The following SPACA1 variants were observed in gnomAD, a reference collection of about 807,000 sequenced individuals.
SPACA1 encodes sperm acrosome membrane-associated protein 1.
In SPACA1, 17 loss-of-function variants were observed where a neutral mutation model predicts 32.6. That is an observed-to-expected ratio of 0.52 (90% CI 0.36 to 0.78). The LOEUF (loss-of-function observed/expected upper bound fraction) is 0.78, where lower values mean the gene tolerates loss of function less well. Among genes scored for constraint, SPACA1 ranks in the 30% least tolerant of loss-of-function variants. The probability of loss-of-function intolerance (pLI) is 0.01; values close to 1 mark genes in which losing one functional copy is unlikely to be tolerated. For missense variants in SPACA1, 363 were observed against 373.4 expected (o/e 0.97, Z 0.23); for synonymous variants, 140 against 138.1 (o/e 1.01, Z -0.10).
chr6:88,049,876 A>G (rs1456135670), intron 1 of SPACA1, among the ~76,000 whole-genome samples: 1 of 152,192 alleles, frequency 6.6e-6, no homozygotes, highest in Non-Finnish European at 1.5e-5. Flanking sequence ...ATCGTTAATA[A>G]ATTCTAGCTT....
intron 3 of SPACA1, 65 bp from the exon 4 acceptor site, chr6:88,058,651 A>AT: frequency 8.6e-7 from 1 of 1,166,116 alleles, no homozygotes; most frequent in Non-Finnish European, 1.3e-6. Context: ...GAAAAAAAAA[A>AT]GTAATTTCGT....
At chr6:88,065,988 G>A (rs973256166) in intron 6 of SPACA1, among the ~76,000 whole-genome samples, 194 bp from the exon 7 acceptor site, 2 of 151,286 alleles carry the variant, frequency 1.3e-5, no homozygotes, top group African/African-American at 2.4e-5. Flanking sequence ...ATATATACAG[G>A]TACAAATATG....
chr6:88,056,353 CA>C (rs888708488), intron 2 of SPACA1, among the ~76,000 whole-genome samples: 6 of 151,508 alleles, frequency 4.0e-5, no homozygotes, highest in Non-Finnish European at 5.9e-5. Context: ...GACTCCGTCT[CA>C]AAAAAAAACT....
Position 88,058,792 on chromosome 6 carries a change from A to C in SPACA1, c.444A>C (p.Lys148Asn). Residue 148 changes from lysine (K) to asparagine (N), a missense_variant, in exon 4 of 7, where the codon AAA (lysine) becomes AAC (asparagine). Physicochemically the swap from Lys to Asn is moderately conservative, Grantham distance 94. Transcript: ENST00000237201. ...ACACATCTCCCTTAAATCGTTTCAA[A>C]TATATGTGGAAACTTCTAAGACAAG... ...CIHTSPLNRFKYMWKLLRQDQ... is the reference protein window; with the variant it reads ...CIHTSPLNRFNYMWKLLRQDQ... 1.2e-6 allele frequency: 2 copies of C among 1,613,142 alleles called. No homozygotes were observed. Among genetic ancestry groups the C allele is most frequent in the Non-Finnish European group, 1.7e-6 (2 of 1,179,254 alleles).
intron 4 of SPACA1, 23 bp from the exon 5 acceptor site, chr6:88,059,430 G>GTTATTTTTTTCTTTTTA: frequency 6.4e-7 from 1 of 1,562,810 alleles, no homozygotes; most frequent in South Asian, 1.2e-5. Context: ...TTGATACTTT[G>GTTATTTTTTTCTTTTTA]TTATTTTTTT....
At position 88,047,984 on chromosome 6, in the gene SPACA1, G is replaced by A. The variant is rs200613021; in HGVS notation, c.79G>A (p.Ala27Thr). The change falls in exon 1 of 7, where the codon GCG (alanine) becomes ACG (threonine). Residue 27 changes from alanine to threonine, a missense_variant. By Grantham distance (58) the Ala-to-Thr change is moderately conservative. Transcript: ENST00000237201. ...GWLLLAGLQS[A>T]RGTNVTAAVQ... Reference sequence around the variant, plus strand: ...GCTGCTTCTGGCGGGCCTCCAGTCCGCGCGCGGGACCAACGTCACCGCTGC... The same window carrying A: ...GCTGCTTCTGGCGGGCCTCCAGTCCACGCGCGGGACCAACGTCACCGCTGC... 5.1e-6 allele frequency: 8 copies of A among 1,569,074 alleles called. No individual in the cohort carries two copies. The highest frequency in any genetic ancestry group is 1.2e-5 in the South Asian group (1 of 85,204).
chr6:88,061,334 T>G (rs982428551), intron 5 of SPACA1, among the ~76,000 whole-genome samples: 5 of 152,048 alleles, frequency 3.3e-5, no homozygotes, highest in Admixed American at 3.3e-4. Context: ...TTTACAGATG[T>G]AATTAGTTAA....
intron 5 of SPACA1, among the ~76,000 whole-genome samples, chr6:88,061,050 A>G (rs111732274): frequency 6.6e-6 from 1 of 152,214 alleles, no homozygotes; most frequent in Non-Finnish European, 1.5e-5. Context: ...TAAACATGAC[A>G]ATTGGGTACA....
chr6:88,047,866 G>GCGGCGACTGCGCCT lies in SPACA1; in HGVS notation c.-36_-23dup. On this transcript the variant is annotated 5_prime_UTR_variant, in exon 1 of 7. Transcript: ENST00000237201. The stretch of plus-strand genomic sequence containing the variant: ...GACGTACCTGTCCTCAGGAGCCGCG[G>GCGGCGACTGCGCCT]CGGCGACTGCGCCTCGGACGGCCGT... 6.7e-7 allele frequency: 1 copy of GCGGCGACTGCGCCT among 1,491,208 alleles called. No homozygotes were observed. The highest frequency in any genetic ancestry group is 1.3e-5 in the South Asian group (1 of 77,174). 92.4% of individuals were successfully genotyped at this position (1,491,208 alleles called of 1,614,324 possible). A position where few individuals can be genotyped will look rare whatever the true frequency, so the allele number is the denominator to read the frequency against.
At chr6:88,063,094 G>A (rs868407972) in intron 5 of SPACA1, among the ~76,000 whole-genome samples, 46 of 152,220 alleles carry the variant, frequency 3.0e-4, no homozygotes, top group South Asian at 6.2e-4. Context: ...GCCAAAATCT[G>A]GTAGAAAACA....
chr6:88,057,033 C>T (rs1716426770), intron 2 of SPACA1, among the ~76,000 whole-genome samples: 1 of 152,144 alleles, frequency 6.6e-6, no homozygotes, highest in Non-Finnish European at 1.5e-5. Flanking sequence ...CAGAAACTTT[C>T]CCCATGCTTC....
intron 1 of SPACA1, among the ~76,000 whole-genome samples, chr6:88,053,668 A>C (rs1350337778): frequency 6.6e-6 from 1 of 152,168 alleles, no homozygotes; most frequent in Non-Finnish European, 1.5e-5. Flanking sequence ...ACTATATATC[A>C]ACTGATGAAA....
intron 1 of SPACA1, 124 bp downstream of exon 1, chr6:88,048,237 G>C: frequency 9.5e-7 from 1 of 1,052,226 alleles, no homozygotes; most frequent in Non-Finnish European, 1.4e-6. Context: ...TCATACTTCA[G>C]CCCCGAGTTT....
chr6:88,059,693 A>G (rs1034287972), intron 5 of SPACA1, 105 bp downstream of exon 5: 3 of 1,153,504 alleles, frequency 2.6e-6, no homozygotes, highest in Non-Finnish European at 3.5e-6. Context: ...CTCCCCCCAG[A>G]GTTTCTGATT....
chr6:88,049,320 C>A (rs1775694306), intron 1 of SPACA1, among the ~76,000 whole-genome samples: 1 of 152,210 alleles, frequency 6.6e-6, no homozygotes, highest in African/African-American at 2.4e-5. Flanking sequence ...TAAACTCAGG[C>A]AATAAAGTTA....
intron 5 of SPACA1, among the ~76,000 whole-genome samples, chr6:88,061,481 C>A (rs550213643): frequency 6.6e-6 from 1 of 151,690 alleles, no homozygotes. Context: ...GAAAGTGGGG[C>A]GCGGAATGCC....
upstream of SPACA1, chr6:88,047,740 C>T: frequency 1.4e-6 from 1 of 694,764 alleles, no homozygotes; most frequent in Non-Finnish European, 2.3e-6. Context: ...GAGTTCCAGG[C>T]GCTCAGCACC....
chr6:88,066,202 G>A lies in SPACA1; in HGVS notation c.752G>A (p.Trp251Ter), dbSNP rs781552345. 6.3e-7 allele frequency: 1 copy of A among 1,590,086 alleles called. No individual in the cohort carries two copies. The highest frequency in any genetic ancestry group is 1.2e-5 in the South Asian group (1 of 86,328). Residue 251 changes from tryptophan (W) to a stop codon, truncating the protein, a stop_gained, in exon 7 of 7, where the codon TGG becomes TAG. Coordinates refer to ENST00000237201, the MANE Select transcript of SPACA1 (RefSeq NM_030960.3). LOFTEE classifies it high-confidence loss of function. ...TCCAGGGCAGCAGTCAAGGCTTTCT[G>A]GGGGGCAAAAGCCTCTACACCTGAG... Reference protein sequence around the residue: ...IINWAAVKAFWGAKASTPEVQ... With the variant: ...IINWAAVKAF
Position 88,061,300 on chromosome 6 carries a change from T to G in SPACA1, c.610+1712T>G, listed in dbSNP as rs117331707. On this transcript the variant is annotated intron_variant, in intron 5 of 6. Coordinates refer to ENST00000237201, the MANE Select transcript of SPACA1 (RefSeq NM_030960.3). ...AAGATACTTTGAAGTACTCAGAATG[T>G]GACTCTATTTGGAAATAGGACTTTT... 3.6e-3 allele frequency among the ~76,000 whole-genome samples: 548 copies of G among 152,308 alleles called. 3 individuals are homozygous for G. The highest frequency in any genetic ancestry group is 5.5e-3 in the Non-Finnish European group (377 of 68,026).
Sources: allele counts gnomAD v4.1 joint callset (sites outside exome capture counted in the v4.1 genomes callset), GRCh38; gene constraint gnomAD v4.1.1; transcripts MANE v1.5; gene names NCBI Gene and HGNC (gene_info 2026-07-23, HGNC 2026-07-21).